Variants in SGCD observed in about 807,000 individuals in gnomAD.
The protein encoded by SGCD is delta-sarcoglycan.
Under a neutral mutation model 36.6 loss-of-function variants are expected in SGCD, and 18 were observed. The ratio of observed to expected loss-of-function variants is 0.49; its 90% CI spans 0.34 to 0.73. The LOEUF is 0.73. Ranked by LOEUF, SGCD falls within the 30% of genes least tolerant of loss-of-function variation. The probability of loss-of-function intolerance (pLI) is 0.01; values close to 1 mark genes in which losing one functional copy is unlikely to be tolerated. For synonymous variants in SGCD, 133 were observed against 130.6 expected (o/e 1.02, Z -0.12); for missense variants, 387 against 346.7 (o/e 1.12, Z -0.92).
At chr5:156,414,805 A>G (rs1005987308) in intron 3 of SGCD, among the ~76,000 whole-genome samples, 11 of 152,222 alleles carry the variant, frequency 7.2e-5, no homozygotes, top group Admixed American at 3.3e-4. Flanking sequence ...TATTCTAGAG[A>G]TAGAATAACA....
At chr5:156,378,211 G>A (rs1770778991) in intron 3 of SGCD, among the ~76,000 whole-genome samples, 1 of 152,148 alleles carries the variant, frequency 6.6e-6, no homozygotes, top group Admixed American at 6.5e-5. Flanking sequence ...GACAAAACTT[G>A]AATATTTTAT....
chr5:155,765,688 C>T, the SGCD span, among the ~76,000 whole-genome samples: 1 of 152,018 alleles, frequency 6.6e-6, no homozygotes, highest in Non-Finnish European at 1.5e-5. Flanking sequence ...ATTGGATAAT[C>T]GTTAAACCTC....
intron 3 of SGCD, among the ~76,000 whole-genome samples, chr5:156,381,861 G>A (rs1212501455): frequency 1.3e-5 from 2 of 152,078 alleles, no homozygotes; most frequent in Non-Finnish European, 2.9e-5. Flanking sequence ...AACCCTCCTT[G>A]CCTTAGTTTT....
intron 1 of SGCD, among the ~76,000 whole-genome samples, chr5:155,994,567 T>G (rs1758500432): frequency 6.6e-6 from 1 of 152,192 alleles, no homozygotes; most frequent in Admixed American, 6.5e-5. Flanking sequence ...ATCACAATGC[T>G]TGGGATCAAG....
chr5:156,482,645 A>T (rs779866113), intron 3 of SGCD, among the ~76,000 whole-genome samples: 1 of 152,158 alleles, frequency 6.6e-6, no homozygotes, highest in Non-Finnish European at 1.5e-5. Flanking sequence ...AATGAGTAAG[A>T]TGATAAATGC....
chr5:156,053,578 C>T (rs1205612367), intron 1 of SGCD, among the ~76,000 whole-genome samples: 2 of 144,892 alleles, frequency 1.4e-5, no homozygotes, highest in Admixed American at 6.9e-5. Context: ...GTGCAGGACC[C>T]TCTGAGCTTG....
At chr5:156,751,012 T>TAAG (rs2113143351) in intron 7 of SGCD, among the ~76,000 whole-genome samples, 1 of 152,330 alleles carries the variant, frequency 6.6e-6, no homozygotes, top group African/African-American at 2.4e-5. Flanking sequence ...TTATGAAACT[T>TAAG]AAGTTCATTC....
At chr5:156,330,320 CG>C (rs1240401453) in intron 2 of SGCD, among the ~76,000 whole-genome samples, 1 of 152,212 alleles carries the variant, frequency 6.6e-6, no homozygotes, top group African/African-American at 2.4e-5. Flanking sequence ...GTCTGACGAA[CG>C]TGCTGGTACT....
intron 1 of SGCD, among the ~76,000 whole-genome samples, chr5:156,038,424 G>T (rs920679251): frequency 6.6e-6 from 1 of 152,084 alleles, no homozygotes; most frequent in Non-Finnish European, 1.5e-5. Flanking sequence ...AGTCTATAAT[G>T]TAGTGAATAG....
At chr5:156,224,756 CA>C (rs1764806808) in intron 3 of SGCD, among the ~76,000 whole-genome samples, 1 of 152,118 alleles carries the variant, frequency 6.6e-6, no homozygotes, top group African/African-American at 2.4e-5. Flanking sequence ...CCGAGCAAGT[CA>C]AAAGGCCACA....
intron 3 of SGCD, among the ~76,000 whole-genome samples, chr5:156,429,141 C>T (rs1453931248): frequency 3.3e-5 from 5 of 151,706 alleles, no homozygotes; most frequent in Non-Finnish European, 5.9e-5. Flanking sequence ...TATCTCATTT[C>T]TTAGGTCTAG....
intron 3 of SGCD, among the ~76,000 whole-genome samples, chr5:156,300,119 T>A (rs918322384): frequency 3.3e-5 from 5 of 152,146 alleles, no homozygotes; most frequent in South Asian, 2.1e-4. Flanking sequence ...ATCCCCAGGT[T>A]TTTTAGAATT....
At chr5:156,304,239 G>A (rs1338134677) in intron 3 of SGCD, among the ~76,000 whole-genome samples, 1 of 152,214 alleles carries the variant, frequency 6.6e-6, no homozygotes, top group East Asian at 1.9e-4. Context: ...TGACAAGTTA[G>A]TTGATACAGT....
chr5:156,028,516 A>G (rs1561687838), intron 1 of SGCD, among the ~76,000 whole-genome samples: 1 of 152,162 alleles, frequency 6.6e-6, no homozygotes, highest in Admixed American at 6.5e-5. Context: ...TGTGATGATG[A>G]TGAAATTAGC....
rs1451876734 is a variant in SGCD at position 156,277,333 on chromosome 5, A to G, written c.-43-52201A>G. Among the ~76,000 whole-genome samples, 6 of 152,246 alleles carry G rather than the reference A, an allele frequency of 3.9e-5. No individual in the cohort carries two copies. The East Asian group carries it at 5.8e-4, about 15-fold the overall frequency. On this transcript the variant is annotated intron_variant, in intron 3 of 9. Transcript: ENST00000517913. The stretch of plus-strand genomic sequence containing the variant: ...GCAGGCTGGCTGCAGTGCAGGCAAC[A>G]TTATTGTTACCTTTCTTGGCCCTTG...
intron 7 of SGCD, among the ~76,000 whole-genome samples, chr5:156,705,267 A>G (rs157339): frequency 0.89 from 134,832 of 152,224 alleles, 59,837 homozygotes; most frequent in East Asian, 0.99. Flanking sequence ...AAATAAGGAT[A>G]TCTTTGGCAA....
chr5:156,628,876 G>A (rs1405719223), intron 6 of SGCD, among the ~76,000 whole-genome samples: 1 of 152,156 alleles, frequency 6.6e-6, no homozygotes, highest in Non-Finnish European at 1.5e-5. Flanking sequence ...CTTAACTAGA[G>A]TTGGGATCAT....
chr5:156,030,161 T>C (rs1380642539), intron 1 of SGCD, among the ~76,000 whole-genome samples: 3 of 152,220 alleles, frequency 2.0e-5, no homozygotes, highest in East Asian at 3.8e-4. Context: ...AGGAGCTTAC[T>C]CTTGATTAGG....
intron 4 of SGCD, among the ~76,000 whole-genome samples, chr5:156,541,827 A>G (rs563059068): frequency 2.2e-4 from 34 of 152,288 alleles, no homozygotes; most frequent in African/African-American, 8.2e-4. Flanking sequence ...ATAACTCAAC[A>G]AAGGTCGTAG....
Sources: gnomAD v4.1 joint callset for allele counts (sites outside exome capture counted in the v4.1 genomes callset) on GRCh38, gnomAD v4.1.1 for gene constraint, MANE v1.5 for transcripts, NCBI Gene and HGNC (gene_info 2026-07-23, HGNC 2026-07-21) for gene names.